VAV3: variants seen among roughly 807,000 people sequenced by gnomAD.
VAV3 encodes vav guanine nucleotide exchange factor 3.
VAV3 carries 94 observed loss-of-function variants against 131.2 expected under a neutral mutation model. The ratio of observed to expected loss-of-function variants is 0.72; its 90% confidence interval spans 0.61 to 0.85. VAV3 has a LOEUF of 0.85. VAV3 is among the 40% of genes least tolerant of loss of function. VAV3 has a pLI of 0.00. For missense variants in VAV3, 939 were observed against 1,002.7 expected (o/e 0.94, Z 0.86); for synonymous variants, 349 against 342.0 (o/e 1.02, Z -0.22).
chr1:107,764,133 A>C (rs1664600814), intron 9 of VAV3, among the ~76,000 whole-genome samples: 1 of 152,194 alleles, frequency 6.6e-6, no homozygotes, highest in Non-Finnish European at 1.5e-5. Context: ...TGTACAAAAA[A>C]ACACGACTTA....
chr1:107,835,240 C>A (rs1017665956), intron 2 of VAV3, among the ~76,000 whole-genome samples: 12 of 152,192 alleles, frequency 7.9e-5, no homozygotes, highest in African/African-American at 2.9e-4. Flanking sequence ...CATTACCCAG[C>A]CTCAGTGCCT....
chr1:107,844,165 G>A (rs565408249), intron 2 of VAV3, among the ~76,000 whole-genome samples: 8 of 151,954 alleles, frequency 5.3e-5, no homozygotes, highest in South Asian at 2.1e-4. Flanking sequence ...ACAGCCCACC[G>A]AGGGCAAGCA....
chr1:107,745,605 C>T (rs1386674115), intron 15 of VAV3, among the ~76,000 whole-genome samples: 1 of 152,132 alleles, frequency 6.6e-6, no homozygotes. Context: ...TTATGTTCAC[C>T]AGATACTTAC....
At chr1:107,796,790 T>TG (rs1239583871) in intron 2 of VAV3, among the ~76,000 whole-genome samples, 8 of 132,244 alleles carry the variant, frequency 6.0e-5, no homozygotes, top group African/African-American at 2.2e-4. Context: ...CTGTTATTTG[T>TG]AAAAAAAAAA....
At chr1:107,876,766 T>A (rs1034514801) in intron 1 of VAV3, among the ~76,000 whole-genome samples, 1 of 152,142 alleles carries the variant, frequency 6.6e-6, no homozygotes. Context: ...AAAATATACA[T>A]GTGAAAACTT....
intron 1 of VAV3, among the ~76,000 whole-genome samples, chr1:107,909,627 T>C (rs752382098): frequency 7.2e-5 from 11 of 152,298 alleles, no homozygotes; most frequent in Non-Finnish European, 1.2e-4. Flanking sequence ...GAAAAACTTA[T>C]GGTGTAATCT....
intron 1 of VAV3, among the ~76,000 whole-genome samples, chr1:107,951,376 C>A (rs946968702): frequency 6.6e-6 from 1 of 152,182 alleles, no homozygotes; most frequent in African/African-American, 2.4e-5. Flanking sequence ...TTTCTCTTCG[C>A]CCCCTAAAAG....
intron 2 of VAV3, among the ~76,000 whole-genome samples, chr1:107,800,588 A>C (rs1337319788): frequency 6.6e-6 from 1 of 152,184 alleles, no homozygotes; most frequent in African/African-American, 2.4e-5. Flanking sequence ...TTACATGGGA[A>C]TATTGCATGA....
intron 1 of VAV3, among the ~76,000 whole-genome samples, chr1:107,958,676 G>A (rs1426596578): frequency 6.6e-6 from 1 of 151,994 alleles, no homozygotes; most frequent in Non-Finnish European, 1.5e-5. Flanking sequence ...TGTGAAGCAA[G>A]TGCAGGTTTG....
chr1:107,764,063 ACTC>A (rs1664590975), intron 9 of VAV3, among the ~76,000 whole-genome samples: 2 of 139,994 alleles, frequency 1.4e-5, no homozygotes, highest in African/African-American at 5.3e-5. Context: ...AAGTCCTCGA[ACTC>A]CTCTTCAGGA....
chr1:107,776,921 G>A (rs374750391), intron 4 of VAV3, among the ~76,000 whole-genome samples: 5 of 152,322 alleles, frequency 3.3e-5, no homozygotes, highest in African/African-American at 1.2e-4. Flanking sequence ...AACTCCAGCA[G>A]CAGATTCTAT....
At chr1:107,797,734 T>C (rs1480025718) in intron 2 of VAV3, among the ~76,000 whole-genome samples, 1 of 152,092 alleles carries the variant, frequency 6.6e-6, no homozygotes, top group Non-Finnish European at 1.5e-5. Context: ...GGGGTAAAAG[T>C]TAGTGGAGAA....
At chr1:107,936,096 A>G (rs1408059841) in intron 1 of VAV3, among the ~76,000 whole-genome samples, 1 of 152,222 alleles carries the variant, frequency 6.6e-6, no homozygotes, top group Non-Finnish European at 1.5e-5. Flanking sequence ...ATGAACTAAT[A>G]ATTTTTAAAA....
At chr1:107,962,757 C>T (rs1484561223) in intron 1 of VAV3, among the ~76,000 whole-genome samples, 2 of 152,182 alleles carry the variant, frequency 1.3e-5, no homozygotes, top group African/African-American at 2.4e-5. Context: ...TAATTTGGAA[C>T]CAGAAACCTC....
chr1:107,617,342 T>C lies in VAV3; in HGVS notation c.1980+225A>G, dbSNP rs1409679903. ...TAAAACCTTTTAGACTACTTAGTTA[T>C]ATAAATTCTACTAAGTAAAATTTGC... On this transcript the variant is annotated intron_variant, in intron 21 of 26. Transcript: ENST00000370056. Among the ~76,000 whole-genome samples, 5 of 152,178 alleles carry C rather than the reference T, an allele frequency of 3.3e-5. No homozygotes were observed. The East Asian group carries it at 9.6e-4, about 29-fold the overall frequency.
At chr1:107,838,909 G>T (rs1289895041) in intron 2 of VAV3, among the ~76,000 whole-genome samples, 2 of 152,092 alleles carry the variant, frequency 1.3e-5, no homozygotes, top group East Asian at 1.9e-4. Flanking sequence ...GGTATATGTG[G>T]ACATAAAGAT....
intron 1 of VAV3, among the ~76,000 whole-genome samples, chr1:107,887,950 A>G (rs1671115310): frequency 6.6e-6 from 1 of 151,986 alleles, no homozygotes; most frequent in African/African-American, 2.4e-5. Flanking sequence ...TAATTTTACA[A>G]AATAACAATT....
intron 12 of VAV3, among the ~76,000 whole-genome samples, 178 bp from the exon 13 acceptor site, chr1:107,751,380 C>T (rs1335592159): frequency 2.6e-5 from 4 of 152,132 alleles, no homozygotes; most frequent in Non-Finnish European, 5.9e-5. Context: ...ATAAGTCTGT[C>T]CTCTGTAATC....
intron 18 of VAV3, 70 bp downstream of exon 18, chr1:107,688,311 A>G: frequency 6.4e-7 from 1 of 1,556,466 alleles, no homozygotes; most frequent in Non-Finnish European, 8.7e-7. Context: ...GTAAAAGCCC[A>G]AGCCTGGTTA....
Sources: gnomAD v4.1 joint callset for allele counts (sites outside exome capture counted in the v4.1 genomes callset) on GRCh38, gnomAD v4.1.1 for gene constraint, MANE v1.5 for transcripts, NCBI Gene and HGNC (gene_info 2026-07-23, HGNC 2026-07-21) for gene names.